Variants in CASK observed in about 807,000 individuals in gnomAD.
CASK encodes the protein peripheral plasma membrane protein CASK.
Under a neutral mutation model 82.9 loss-of-function variants are expected in CASK, and 4 were observed. The observed-to-expected ratio is 0.05, with a 90% CI of 0.02 to 0.11. The LOEUF is 0.11. Among genes scored for constraint, CASK ranks in the 10% least tolerant of loss-of-function variants. The pLI is 1.00. For synonymous variants in CASK, 259 were observed against 253.5 expected (o/e 1.02, Z -0.20); for missense variants, 358 against 720.9 (o/e 0.50, Z 5.76).
chrX:41,723,901 C>T (rs975038001), intron 5 of CASK, among the ~76,000 whole-genome samples: 2 of 112,165 alleles, frequency 1.8e-5, no homozygotes, highest in African/African-American at 6.5e-5. Flanking sequence ...CCTTCTATCA[C>T]TGTGTCATAT....
At chrX:41,864,796 C>G (rs1192573895) in intron 1 of CASK, among the ~76,000 whole-genome samples, 1 of 111,888 alleles carries the variant, frequency 8.9e-6, no homozygotes, top group Non-Finnish European at 1.9e-5. Context: ...TAAGCATATT[C>G]AGCAGGCAAT....
rs150645183 is a variant in CASK at position 41,847,537 on chromosome X, C to G, written c.172+5578G>C. Among the ~76,000 whole-genome samples, 534 of 111,869 alleles carry G rather than the reference C, an allele frequency of 4.8e-3. 5 individuals are homozygous for G. The highest frequency in any genetic ancestry group is 0.017 in the African/African-American group (517 of 30,841). ...AGTAAGTCCAACATCTGGGTTTGCT[C>G]AGGAACAGTTTCTATGGATTGCTTT... On this transcript the variant is annotated intron_variant, in intron 2 of 26. Coordinates refer to ENST00000378163, the MANE Select transcript of CASK (RefSeq NM_001367721.1).
intron 5 of CASK, among the ~76,000 whole-genome samples, chrX:41,709,414 T>C (rs980541036): frequency 8.9e-6 from 1 of 111,910 alleles, no homozygotes; most frequent in Non-Finnish European, 1.9e-5. Flanking sequence ...TTTTTGGTCA[T>C]TGGGGATAGC....
chrX:41,609,151 T>C (rs2066002473), intron 12 of CASK, among the ~76,000 whole-genome samples: 1 of 112,447 alleles, frequency 8.9e-6, no homozygotes, highest in Non-Finnish European at 1.9e-5. Flanking sequence ...GTTTCGCTCT[T>C]GTTGCCCAGG....
chrX:41,557,230 G>T, intron 18 of CASK, 130 bp from the exon 19 acceptor site: 1 of 564,646 alleles, frequency 1.8e-6, no homozygotes, highest in Non-Finnish European at 3.0e-6. Context: ...GTGCCATACT[G>T]ACTTGCTTGC....
At chrX:41,550,001 A>G (rs1440645178) in intron 21 of CASK, among the ~76,000 whole-genome samples, 1 of 108,351 alleles carries the variant, frequency 9.2e-6, no homozygotes, top group Non-Finnish European at 1.9e-5. Flanking sequence ...CTCTACTAAA[A>G]ACACAAAAAA....
intron 2 of CASK, among the ~76,000 whole-genome samples, chrX:41,830,595 C>A (rs771454372): frequency 3.7e-5 from 4 of 108,261 alleles, no homozygotes; most frequent in African/African-American, 1.3e-4. Flanking sequence ...CCAAGGTGGG[C>A]GGATCATGAA....
intron 2 of CASK, among the ~76,000 whole-genome samples, chrX:41,806,831 T>C (rs2070134868): frequency 8.9e-6 from 1 of 111,955 alleles, no homozygotes; most frequent in South Asian, 3.7e-4. Context: ...ATATTTACAA[T>C]TTTAAAGCAA....
chrX:41,907,509 A>C (rs1055100463), intron 1 of CASK, among the ~76,000 whole-genome samples: 1 of 112,330 alleles, frequency 8.9e-6, no homozygotes, highest in Non-Finnish European at 1.9e-5. Context: ...GAGAATCAAG[A>C]GTACAACATG....
At chrX:41,727,376 G>A (rs1211905798) in intron 5 of CASK, 1 of 1,208,386 alleles carries the variant, frequency 8.3e-7, no homozygotes, top group Admixed American at 2.2e-5. Flanking sequence ...GCCATAAGCC[G>A]CTATGCTACC....
chrX:41,588,130 G>A (rs1053267285), intron 13 of CASK: 2 of 112,051 alleles, frequency 1.8e-5, no homozygotes. Flanking sequence ...AAAAATGACA[G>A]AGCTTTCTTA....
intron 9 of CASK, among the ~76,000 whole-genome samples, chrX:41,636,216 CAA>C (rs1487057020): frequency 9.0e-6 from 1 of 111,098 alleles, no homozygotes; most frequent in East Asian, 2.8e-4. Context: ...AATTCTAATT[CAA>C]AGTTATTTCC....
intron 2 of CASK, among the ~76,000 whole-genome samples, chrX:41,837,764 C>A (rs1294616711): frequency 1.8e-5 from 2 of 111,664 alleles, no homozygotes; most frequent in African/African-American, 6.5e-5. Context: ...TGGTACTTTC[C>A]AAATTTTAGC....
intron 5 of CASK, among the ~76,000 whole-genome samples, chrX:41,680,913 C>T (rs1174304438): frequency 9.2e-6 from 1 of 109,239 alleles, no homozygotes; most frequent in African/African-American, 3.3e-5. Flanking sequence ...GAAACTCGGT[C>T]TCAAAAAAAA....
intron 16 of CASK, chrX:41,562,694 G>A (rs1404446021): frequency 1.8e-5 from 2 of 111,263 alleles, no homozygotes; most frequent in South Asian, 3.8e-4. Flanking sequence ...ATAAAAATGC[G>A]TCATGTCAAA....
At chrX:41,879,237 G>A (rs1284292713) in intron 1 of CASK, among the ~76,000 whole-genome samples, 1 of 111,160 alleles carries the variant, frequency 9.0e-6, no homozygotes. Context: ...AGTACTACAA[G>A]AGTACAGCAG....
chrX:41,815,962 A>G (rs2070403147), intron 2 of CASK, among the ~76,000 whole-genome samples: 1 of 111,105 alleles, frequency 9.0e-6, no homozygotes, highest in African/African-American at 3.3e-5. Context: ...CCACACTCAA[A>G]TGATCCTCCC....
At chrX:41,605,951 T>A (rs2065954422) in intron 12 of CASK, among the ~76,000 whole-genome samples, 1 of 111,779 alleles carries the variant, frequency 8.9e-6, no homozygotes, top group Non-Finnish European at 1.9e-5. Flanking sequence ...AGTGCTGAGA[T>A]TATAGAAGTG....
At chrX:41,795,931 A>G (rs1375213925) in intron 2 of CASK, among the ~76,000 whole-genome samples, 1 of 111,291 alleles carries the variant, frequency 9.0e-6, no homozygotes, top group African/African-American at 3.3e-5. Context: ...ATAATGGTTT[A>G]TTTCATATAA....
Sources: gnomAD v4.1 joint callset for allele counts (sites outside exome capture counted in the v4.1 genomes callset) on GRCh38, gnomAD v4.1.1 for gene constraint, MANE v1.5 for transcripts, NCBI Gene and HGNC (gene_info 2026-07-23, HGNC 2026-07-21) for gene names.